ITK: variants seen among roughly 807,000 people sequenced by gnomAD.
ITK encodes the protein tyrosine-protein kinase ITK/TSK.
A neutral mutation model predicts 87.6 loss-of-function variants in ITK; 45 were observed. The ratio of observed to expected loss-of-function variants is 0.51; its 90% CI spans 0.40 to 0.66. The LOEUF (loss-of-function observed/expected upper bound fraction) is 0.66. Ranked by LOEUF, ITK falls within the 30% of genes least tolerant of loss-of-function variation. The pLI is 0.00. For synonymous variants in ITK, 303 were observed against 273.6 expected (o/e 1.11, Z -1.06); for missense variants, 605 against 766.3 (o/e 0.79, Z 2.48).
At chr5:157,217,240 A>G (rs76827118) in intron 4 of ITK, among the ~76,000 whole-genome samples, 6,069 of 152,252 alleles carry the variant, frequency 0.04, 382 homozygotes, top group African/African-American at 0.14. Flanking sequence ...GAAAGAGGGA[A>G]GAGAGAGGAG....
At chr5:157,244,092 C>G in intron 12 of ITK, 170 bp from the exon 13 acceptor site, 1 of 713,402 alleles carries the variant, frequency 1.4e-6, no homozygotes, top group Non-Finnish European at 2.5e-6. Flanking sequence ...TGCCATTTTT[C>G]AGGTCTCAGC....
At chr5:157,240,252 G>A (rs1224572506) in intron 10 of ITK, 57 bp downstream of exon 10, 2 of 1,519,234 alleles carry the variant, frequency 1.3e-6, no homozygotes, top group Non-Finnish European at 1.8e-6. Flanking sequence ...AGCAGCAGGT[G>A]AGCAAGCATT....
intron 1 of ITK, among the ~76,000 whole-genome samples, chr5:157,192,801 C>T (rs1753778469): frequency 6.6e-6 from 1 of 152,144 alleles, no homozygotes. Context: ...GACCCTTCCC[C>T]CTGGGATGTA....
At chr5:157,240,544 A>C (rs558084887) in intron 10 of ITK, 1 of 357,692 alleles carries the variant, frequency 2.8e-6, no homozygotes, top group Admixed American at 4.1e-5. Flanking sequence ...ACTTTTTTGA[A>C]TTGCTATCAA....
intron 1 of ITK, among the ~76,000 whole-genome samples, chr5:157,198,888 G>C (rs1364245708): frequency 6.6e-6 from 1 of 152,036 alleles, no homozygotes; most frequent in Non-Finnish European, 1.5e-5. Context: ...TCAGCCTCCG[G>C]AGTGGCTGGT....
At position 157,244,283 on chromosome 5, in the gene ITK, G is replaced by T; in HGVS notation, c.1254G>T (p.Leu418=). Residue 418 remains leucine, a synonymous_variant, in exon 13 of 17, where the codon CTG becomes CTT. Transcript: ENST00000422843. ...CCAGGAAACTCTCTCATCCCAAACT[G>T]GTGCAGCTGTATGGGGTGTGCCTGG... ...EVMMKLSHPK[L]VQLYGVCLEQ... The T allele has an allele frequency of 6.2e-7, 1 of 1,614,174 alleles. No individual in the cohort carries two copies.
intron 6 of ITK, among the ~76,000 whole-genome samples, chr5:157,227,059 A>G (rs1435558768): frequency 6.6e-6 from 1 of 152,174 alleles, no homozygotes; most frequent in Non-Finnish European, 1.5e-5. Context: ...AGCTCAAGTG[A>G]TCCACCCACC....
chr5:157,246,244 A>G (rs1755018597), intron 15 of ITK, among the ~76,000 whole-genome samples: 1 of 152,280 alleles, frequency 6.6e-6, no homozygotes, highest in Non-Finnish European at 1.5e-5. Context: ...TTCTGGTGCC[A>G]GCTGCTGTGA....
chr5:157,246,854 G>T (rs937561218), intron 15 of ITK, among the ~76,000 whole-genome samples: 1 of 152,180 alleles, frequency 6.6e-6, no homozygotes, highest in Non-Finnish European at 1.5e-5. Flanking sequence ...CAATGAAGCT[G>T]GTAGGCCATC....
At chr5:157,233,608 A>T (rs1485158679) in intron 8 of ITK, among the ~76,000 whole-genome samples, 1 of 152,132 alleles carries the variant, frequency 6.6e-6, no homozygotes, top group Non-Finnish European at 1.5e-5. Context: ...TACTTTCTCA[A>T]GTTAAATTTA....
intron 4 of ITK, among the ~76,000 whole-genome samples, chr5:157,215,103 C>G (rs1244508318): frequency 6.6e-6 from 1 of 152,150 alleles, no homozygotes; most frequent in Non-Finnish European, 1.5e-5. Context: ...TCTCAACCAT[C>G]TGGGGTACAT....
At position 157,253,307 on chromosome 5, in the gene ITK, T is replaced by C. The variant is rs1020802712; in HGVS notation, c.*629T>C. The C allele has an allele frequency of 2.5e-5, 6 of 239,404 alleles. No individual in the cohort carries two copies. The highest frequency in any genetic ancestry group is 4.9e-5 in the Admixed American group (1 of 20,232). 14.8% of individuals were successfully genotyped at this position (239,404 alleles called of 1,614,324 possible). The stretch of plus-strand genomic sequence containing the variant: ...AGCAGCTTTATGAGGTTTTACAGAG[T>C]ATGCTGCTACCTCTCTCCTTGAAGG... On this transcript the variant is annotated 3_prime_UTR_variant, in exon 17 of 17. Transcript: ENST00000422843.
intron 15 of ITK, among the ~76,000 whole-genome samples, chr5:157,247,147 G>A (rs1755036014): frequency 6.6e-6 from 1 of 152,178 alleles, no homozygotes; most frequent in South Asian, 2.1e-4. Flanking sequence ...GGGGAGTTTG[G>A]CTAGGTAAAT....
intron 1 of ITK, among the ~76,000 whole-genome samples, chr5:157,186,682 A>AAG (rs61141972): frequency 0.3 from 44,349 of 148,362 alleles, 6,659 homozygotes; most frequent in East Asian, 0.42. Context: ...GTCTCAAAAA[A>AAG]AGAGAGAGAG....
intron 1 of ITK, among the ~76,000 whole-genome samples, chr5:157,201,167 C>T (rs913693138): frequency 2.6e-5 from 4 of 151,972 alleles, no homozygotes; most frequent in Non-Finnish European, 4.4e-5. Flanking sequence ...GATAAAACCC[C>T]CAGTACACTA....
chr5:157,221,705 A>G (rs78839683), intron 5 of ITK, among the ~76,000 whole-genome samples: 2,397 of 152,280 alleles, frequency 0.016, 28 homozygotes, highest in Non-Finnish European at 0.024. Context: ...CTGCAGTGGG[A>G]TGAATGCCAT....
intron 1 of ITK, among the ~76,000 whole-genome samples, chr5:157,188,510 G>A (rs1753689608): frequency 6.6e-6 from 1 of 152,090 alleles, no homozygotes; most frequent in Non-Finnish European, 1.5e-5. Context: ...CCAGGACTAG[G>A]GTGAGACAAG....
At position 157,228,330 on chromosome 5, in the gene ITK, G is replaced by GA; in HGVS notation, c.687dup (p.Ser230IlefsTer4). 1.2e-6 allele frequency: 2 copies of GA among 1,606,444 alleles called. No individual in the cohort carries two copies. The highest frequency in any genetic ancestry group is 1.7e-6 in the Non-Finnish European group (2 of 1,173,138). On this transcript the variant is annotated frameshift_variant, in exon 7 of 17. Coordinates refer to ENST00000422843, the MANE Select transcript of ITK (RefSeq NM_005546.4). LOFTEE classifies it high-confidence loss of function. Reference sequence around the variant, plus strand: ...ATATGTACCAAGCAGTTATCTGGTGGAAAAATCTCCAAATAATCTGGAAAC... The same window carrying GA: ...ATATGTACCAAGCAGTTATCTGGTGGAAAAAATCTCCAAATAATCTGGAAAC...
intron 15 of ITK, 103 bp from the exon 16 acceptor site, chr5:157,248,747 A>T: frequency 7.6e-7 from 1 of 1,309,162 alleles, no homozygotes; most frequent in South Asian, 1.2e-5. Context: ...GAGGTAGCAC[A>T]TGAATCCTAA....
Sources: gnomAD v4.1 joint callset for allele counts (sites outside exome capture counted in the v4.1 genomes callset) on GRCh38, gnomAD v4.1.1 for gene constraint, MANE v1.5 for transcripts, NCBI Gene and HGNC (gene_info 2026-07-23, HGNC 2026-07-21) for gene names.